HERC2: variants seen among roughly 807,000 people sequenced by gnomAD.
HERC2 encodes the protein HECT and RLD domain containing E3 ubiquitin protein ligase 2.
HERC2 carries 102 observed loss-of-function variants against 537.7 expected under a neutral mutation model. The ratio of observed to expected loss-of-function variants is 0.19; its 90% confidence interval spans 0.16 to 0.22. The LOEUF is 0.22. Ranked by LOEUF, HERC2 falls within the 10% of genes least tolerant of loss-of-function variation. HERC2 has a pLI of 1.00. For synonymous variants in HERC2, 2,224 were observed against 2,466.2 expected (o/e 0.90, Z 2.91); for missense variants, 4,236 against 6,198.2 (o/e 0.68, Z 10.63).
intron 50 of HERC2, among the ~76,000 whole-genome samples, chr15:28,197,285 C>A (rs181244209): frequency 9.2e-5 from 14 of 152,298 alleles, no homozygotes; most frequent in Non-Finnish European, 1.3e-4. Context: ...TATACACATA[C>A]TTATTTCTCA....
rs752795612 is a variant in HERC2, at chr15:28,274,318, G to C, written c.773C>G (p.Thr258Ser). The C allele has an allele frequency of 6.2e-7, 1 of 1,614,212 alleles. No homozygotes were observed. Among genetic ancestry groups the C allele is most frequent in the South Asian group, 1.1e-5 (1 of 91,084 alleles). ...CGTCACGACGGACCTGAGGAACCTG[G>C]TCGCTCTCTCCACCACCTCCAGCCA... The part of the protein sequence containing the change: ...SVWLEVVERA[T>S]RFLRSVVTGD... The change falls in exon 7 of 93, where the codon ACC becomes AGC. Residue 258 changes from threonine to serine, a missense_variant. Transcript: ENST00000261609.
chr15:28,201,583 A>G, intron 47 of HERC2, 29 bp from the exon 48 acceptor site: 1 of 1,374,052 alleles, frequency 7.3e-7, no homozygotes, highest in Non-Finnish European at 1.0e-6. Context: ...TTCAAACAAA[A>G]AAACAGGAGA....
At position 28,237,964 on chromosome 15, in the gene HERC2, T is replaced by C. The variant is rs537740032; in HGVS notation, c.3852+150A>G. The C allele has an allele frequency of 6.9e-4, 506 of 734,928 alleles. 8 individuals are homozygous for C. In the South Asian group the frequency reaches 7.1e-3, roughly 10 times the overall value. 45.5% of individuals were successfully genotyped at this position (734,928 alleles called of 1,614,324 possible). A position where few individuals can be genotyped will look rare whatever the true frequency, so the allele number is the denominator to read the frequency against. Reference sequence around the variant, plus strand: ...ACATGAATAAATGTAAATTCATTTATGACAAAACTTCTAAAGGATCTTTAT... The same window carrying C: ...ACATGAATAAATGTAAATTCATTTACGACAAAACTTCTAAAGGATCTTTAT... On this transcript the variant is annotated intron_variant, in intron 25 of 92. Transcript: ENST00000261609.
intron 83 of HERC2, among the ~76,000 whole-genome samples, chr15:28,126,773 G>C (rs1286958612): frequency 6.6e-6 from 1 of 152,078 alleles, no homozygotes; most frequent in African/African-American, 2.4e-5. Flanking sequence ...ACACTACTTG[G>C]GTGATGGGAG....
intron 81 of HERC2, among the ~76,000 whole-genome samples, chr15:28,131,882 A>T (rs973639648): frequency 6.6e-6 from 1 of 152,228 alleles, no homozygotes; most frequent in Non-Finnish European, 1.5e-5. Context: ...CACACAGCAC[A>T]TAGAACACCT....
At chr15:28,194,344 G>T (rs1454111578) in intron 52 of HERC2, among the ~76,000 whole-genome samples, 1 of 148,678 alleles carries the variant, frequency 6.7e-6, no homozygotes, top group South Asian at 2.2e-4. Context: ...GATTACAGGT[G>T]TGGATCACAA....
At chr15:28,147,793 T>C (rs968773024) in intron 70 of HERC2, among the ~76,000 whole-genome samples, 1 of 151,980 alleles carries the variant, frequency 6.6e-6, no homozygotes, top group African/African-American at 2.4e-5. Flanking sequence ...CTCAACACTT[T>C]GGGAGGCCCA....
chr15:28,178,753 T>G (rs1238280877), intron 59 of HERC2, 134 bp downstream of exon 59: 2 of 1,016,504 alleles, frequency 2.0e-6, no homozygotes, highest in East Asian at 5.1e-5. Context: ...ACCTAGAGAT[T>G]TACATTATCC....
At chr15:28,240,257 A>C (rs1210491665) in intron 23 of HERC2, among the ~76,000 whole-genome samples, 1 of 152,136 alleles carries the variant, frequency 6.6e-6, no homozygotes, top group African/African-American at 2.4e-5. Context: ...TCTCTACTAA[A>C]AATACAAAAA....
chr15:28,233,651 T>A lies in HERC2; in HGVS notation c.4351+13A>T, dbSNP rs777186189. On this transcript the variant is annotated intron_variant, in intron 28 of 92. Coordinates refer to ENST00000261609, the MANE Select transcript of HERC2 (RefSeq NM_004667.6). Reference sequence around the variant, plus strand: ...GCAGTGTACCTAAAGTACACAGATATCGAGCTCCTTACCTAAATCTTCATG... The same window carrying A: ...GCAGTGTACCTAAAGTACACAGATAACGAGCTCCTTACCTAAATCTTCATG... 3.1e-6 allele frequency: 5 copies of A among 1,613,918 alleles called. No individual in the cohort carries two copies. The Admixed American group carries it at 6.7e-5, about 22-fold the overall frequency.
rs997648223 is a variant in HERC2, at chr15:28,124,346, T to C, written c.12991-112A>G. 5 of 654,138 alleles carry C rather than the reference T, an allele frequency of 7.6e-6. No individual in the cohort carries two copies. The South Asian group carries it at 1.3e-4, about 17-fold the overall frequency. The allele number at this position is 654,138 out of a possible 1,614,324, so 40.5% of individuals were successfully genotyped here. ...TTGTTTCAAATACAGAGAAGCACTATGGTGTCTGAGTTTGGTTTGCACAAC... is the reference window on the plus strand; with the variant it reads ...TTGTTTCAAATACAGAGAAGCACTACGGTGTCTGAGTTTGGTTTGCACAAC... On this transcript the variant is annotated intron_variant, in intron 84 of 92. Transcript: ENST00000261609.
intron 5 of HERC2, among the ~76,000 whole-genome samples, chr15:28,277,888 C>T (rs1239508075): frequency 6.6e-6 from 1 of 152,068 alleles, no homozygotes; most frequent in Non-Finnish European, 1.5e-5. Flanking sequence ...ATACCAAAAC[C>T]CTAGGATGCT....
chr15:28,173,987 T>C (rs748998459), intron 65 of HERC2, among the ~76,000 whole-genome samples: 67 of 151,908 alleles, frequency 4.4e-4, no homozygotes, highest in Non-Finnish European at 8.4e-4. Flanking sequence ...GTGCTGATGC[T>C]TTCATGGATC....
At chr15:28,285,763 A>G (rs540876044) in intron 4 of HERC2, among the ~76,000 whole-genome samples, 2 of 151,364 alleles carry the variant, frequency 1.3e-5, no homozygotes, top group African/African-American at 4.9e-5. Flanking sequence ...GTTCTTTGAT[A>G]AGATCAATAA....
intron 55 of HERC2, chr15:28,190,417 G>C (rs756481425): frequency 1.3e-5 from 2 of 152,528 alleles, no homozygotes; most frequent in South Asian, 2.1e-4. Context: ...ATTTGAGAGA[G>C]AGAGATAATT....
At chr15:28,225,858 A>C (rs112717220) in intron 35 of HERC2, among the ~76,000 whole-genome samples, 2,958 of 152,324 alleles carry the variant, frequency 0.019, 91 homozygotes, top group African/African-American at 0.068. Flanking sequence ...TAAAATGGAC[A>C]CATTCCTAAA....
intron 26 of HERC2, among the ~76,000 whole-genome samples, chr15:28,235,697 G>A (rs1231616444): frequency 1.3e-4 from 20 of 152,112 alleles, no homozygotes; most frequent in Admixed American, 8.5e-4. Flanking sequence ...ACGTATGAAC[G>A]TCTCCATTTC....
chr15:28,260,792 GGC>G lies in HERC2; in HGVS notation c.2299_2300del (p.Ala767LeufsTer14). On this transcript the variant is annotated frameshift_variant, in exon 16 of 93. Coordinates refer to ENST00000261609, the MANE Select transcript of HERC2 (RefSeq NM_004667.6). LOFTEE classifies it high-confidence loss of function. Reference sequence around the variant, plus strand: ...TATTCAGTACCTGGGCAGGCCCACAGGCAATTCCCACTATGTGTTTGGTGTCC... The same window carrying G: ...TATTCAGTACCTGGGCAGGCCCACAGAATTCCCACTATGTGTTTGGTGTCC... ...GLDTKHIVGIACGPAQSFAWS... is the reference protein window; with the variant it reads ...GLDTKHIVGIXCGPAQSFAWS... 1 of 1,614,110 alleles carries G rather than the reference GGC, an allele frequency of 6.2e-7. No individual in the cohort carries two copies. Among genetic ancestry groups the G allele is most frequent in the Non-Finnish European group, 8.5e-7 (1 of 1,179,970 alleles).
In HERC2 at chr15:28,274,348, G is replaced by A. The variant is rs377085389; in HGVS notation, c.743C>T (p.Ser248Phe). 1.9e-6 allele frequency: 3 copies of A among 1,614,226 alleles called. No individual in the cohort carries two copies. The highest frequency in any genetic ancestry group is 2.5e-6 in the Non-Finnish European group (3 of 1,180,032). The change falls in exon 7 of 93, where the codon TCT becomes TTT. Residue 248 changes from serine to phenylalanine, a missense_variant. Physicochemically the swap from Ser to Phe is radical, Grantham distance 155. Coordinates refer to ENST00000261609, the MANE Select transcript of HERC2 (RefSeq NM_004667.6). The stretch of plus-strand genomic sequence containing the variant: ...TCTCTCCACCACCTCCAGCCACACA[G>A]AGGACACGGTGCTCTCGTCAAAGAG... Reference protein sequence around the residue: ...ASLFDESTVSSVWLEVVERAT... With the variant: ...ASLFDESTVSFVWLEVVERAT...
Sources: allele counts gnomAD v4.1 joint callset (sites outside exome capture counted in the v4.1 genomes callset), GRCh38; gene constraint gnomAD v4.1.1; transcripts MANE v1.5; gene names NCBI Gene and HGNC (gene_info 2026-07-23, HGNC 2026-07-21).